Variants in EXT2 observed in about 807,000 individuals in gnomAD.
EXT2 encodes exostosin glycosyltransferase 2.
A neutral mutation model predicts 81.6 loss-of-function variants in EXT2; 53 were observed. That is an observed-to-expected ratio of 0.65 (90% CI 0.52 to 0.82). EXT2 has a LOEUF of 0.82. Among genes scored for constraint, EXT2 ranks in the 40% least tolerant of loss-of-function variants. The probability of loss-of-function intolerance (pLI) is 0.00; values close to 1 mark genes in which losing one functional copy is unlikely to be tolerated. For synonymous variants in EXT2, 320 were observed against 340.0 expected (o/e 0.94, Z 0.65); for missense variants, 774 against 910.2 (o/e 0.85, Z 1.93).
At chr11:44,132,044 G>A (rs1310080928) in intron 7 of EXT2, among the ~76,000 whole-genome samples, 1 of 152,140 alleles carries the variant, frequency 6.6e-6, no homozygotes, top group East Asian at 1.9e-4. Flanking sequence ...CCCACTTTGT[G>A]TTACTTTTTA....
At position 44,112,291 on chromosome 11, in the gene EXT2, G is replaced by A. The variant is rs180720473; in HGVS notation, c.627-1894G>A. On this transcript the variant is annotated intron_variant, in intron 3 of 13. Transcript: ENST00000533608. Reference sequence around the variant, plus strand: ...AGAGGAGACGTCCCAGAATCAGGCAGCCCTGCAAAGTGCTAAAAATGCTGG... The same window carrying A: ...AGAGGAGACGTCCCAGAATCAGGCAACCCTGCAAAGTGCTAAAAATGCTGG... 1.6e-4 allele frequency among the ~76,000 whole-genome samples: 24 copies of A among 152,334 alleles called. No homozygotes were observed. The East Asian group carries it at 4.6e-3, about 29-fold the overall frequency.
At position 44,246,548 on chromosome 11, in the gene EXT2, G is replaced by A. The variant is rs988664877; in HGVS notation, c.*2261G>A. On this transcript the variant is annotated 3_prime_UTR_variant, in exon 14 of 14. Transcript: ENST00000533608. ...CATTTAAAGTACCTCATTACTCCCA[G>A]GAATATTGGGTGTTAGATCTTGCAA... 6.6e-6 allele frequency among the ~76,000 whole-genome samples: 1 copy of A among 152,104 alleles called. No individual in the cohort carries two copies. Among genetic ancestry groups the A allele is most frequent in the South Asian group, 2.1e-4 (1 of 4,816 alleles).
At chr11:44,198,529 G>A (rs1292033295) in intron 9 of EXT2, among the ~76,000 whole-genome samples, 1 of 152,146 alleles carries the variant, frequency 6.6e-6, no homozygotes, top group Non-Finnish European at 1.5e-5. Flanking sequence ...TCCTTGCCTT[G>A]GCCACCCCTG....
chr11:44,189,301 G>A (rs1033218166), intron 8 of EXT2, among the ~76,000 whole-genome samples: 9 of 152,104 alleles, frequency 5.9e-5, no homozygotes, highest in South Asian at 2.1e-4. Context: ...TTTTTCACAT[G>A]TCTGTTTAAT....
chr11:44,171,072 A>C (rs1038872150), intron 7 of EXT2, among the ~76,000 whole-genome samples: 4 of 152,214 alleles, frequency 2.6e-5, no homozygotes, highest in Non-Finnish European at 1.5e-5. Flanking sequence ...CAGACACAGA[A>C]GAGTAAATAC....
At chr11:44,116,223 A>G (rs760861798) in intron 4 of EXT2, 5 of 152,140 alleles carry the variant, frequency 3.3e-5, no homozygotes, top group African/African-American at 7.2e-5. Flanking sequence ...TTTTCTCTCT[A>G]TGGGTTTGCC....
At position 44,109,215 on chromosome 11, in the gene EXT2, C is replaced by T. The variant is rs748607368; in HGVS notation, c.558C>T (p.His186=). Residue 186 remains histidine (H), a synonymous_variant, in exon 3 of 14, where the codon CAC becomes CAT. Coordinates refer to ENST00000533608, the MANE Select transcript of EXT2 (RefSeq NM_207122.2). ...QLSRWDRGTN[H]LLFNMLPGGP... ...ACAGGTGGGATCGAGGTACGAATCACCTGTTGTTCAACATGTTGCCTGGAG... is the reference window on the plus strand; with the variant it reads ...ACAGGTGGGATCGAGGTACGAATCATCTGTTGTTCAACATGTTGCCTGGAG... The T allele has an allele frequency of 6.2e-6, 10 of 1,614,098 alleles. No homozygotes were observed. The highest frequency in any genetic ancestry group is 6.8e-6 in the Non-Finnish European group (8 of 1,179,986).
rs75017672 is a variant in EXT2 at position 44,097,015 on chromosome 11, C to T, written c.-31+1163C>T. ...GCATGTGAGGGTATGAATGGATAATCAGTTTTGGGGCCAGACTGCCATGCT... is the reference window on the plus strand; with the variant it reads ...GCATGTGAGGGTATGAATGGATAATTAGTTTTGGGGCCAGACTGCCATGCT... On this transcript the variant is annotated intron_variant, in intron 1 of 13. Coordinates refer to ENST00000533608, the MANE Select transcript of EXT2 (RefSeq NM_207122.2). Among the ~76,000 whole-genome samples, 622 of 152,270 alleles carry T rather than the reference C, an allele frequency of 4.1e-3. 6 individuals are homozygous for T. Among genetic ancestry groups the T allele is most frequent in the African/African-American group, 0.014 (597 of 41,550 alleles).
In EXT2 at chr11:44,204,270, C is replaced by T. The variant is rs554884599; in HGVS notation, c.1496-2523C>T. 1.6e-4 allele frequency among the ~76,000 whole-genome samples: 25 copies of T among 152,300 alleles called. 2 individuals carry two copies. Among genetic ancestry groups the T allele is most frequent in the African/African-American group, 5.8e-4 (24 of 41,554 alleles). On this transcript the variant is annotated intron_variant, in intron 9 of 13. Transcript: ENST00000533608. ...GTACAGTAGAGTTCTCCAGAATCTA[C>T]AGGTCATGAGTGACATCATTTCCCA...
chr11:44,159,511 A>T (rs1954901806), intron 7 of EXT2, among the ~76,000 whole-genome samples: 1 of 151,914 alleles, frequency 6.6e-6, no homozygotes, highest in Admixed American at 6.6e-5. Flanking sequence ...TAGAATTTTC[A>T]TCTCTCTGTT....
chr11:44,220,259 A>G lies in EXT2; in HGVS notation c.1663-12094A>G, dbSNP rs112118026. ...GCCAAAGTTGAGCTTTTAGAAAACC[A>G]TAATTTTTTTAGGCCTGTTGTGTAC... On this transcript the variant is annotated intron_variant, in intron 10 of 13. Transcript: ENST00000533608. The surrounding 1 kb of genome is among the most constrained non-coding windows in gnomAD (Gnocchi z 4.4). 1.3e-3 allele frequency among the ~76,000 whole-genome samples: 205 copies of G among 152,320 alleles called. No homozygotes were observed. Among genetic ancestry groups the G allele is most frequent in the Admixed American group, 1.6e-3 (25 of 15,304 alleles).
chr11:44,112,628 C>T (rs1954161644), intron 3 of EXT2, among the ~76,000 whole-genome samples: 1 of 152,200 alleles, frequency 6.6e-6, no homozygotes, highest in African/African-American at 2.4e-5. Flanking sequence ...GCCAGTTTGA[C>T]TAATTGCAGT....
intron 9 of EXT2, among the ~76,000 whole-genome samples, chr11:44,202,988 G>A (rs934137968): frequency 2.0e-5 from 3 of 152,184 alleles, no homozygotes; most frequent in African/African-American, 7.2e-5. Flanking sequence ...CTAAGTTAGT[G>A]CATTTGAAGT....
rs185910327 is a variant in EXT2, at chr11:44,106,559, C to A, written c.-30-1124C>A. Among the ~76,000 whole-genome samples, 947 of 152,190 alleles carry A rather than the reference C, an allele frequency of 6.2e-3. 2 individuals carry two copies. The highest frequency in any genetic ancestry group is 8.7e-3 in the Non-Finnish European group (591 of 68,014). On this transcript the variant is annotated intron_variant, in intron 1 of 13. Transcript: ENST00000533608. ...CTCCCTCATTAGAGTAGGGTCTTTG[C>A]TTTCATCTTTGTTTTCTTCACAGTA...
chr11:44,162,543 TCCAG>T (rs1954940958), intron 7 of EXT2, among the ~76,000 whole-genome samples: 1 of 124,938 alleles, frequency 8.0e-6, no homozygotes, highest in South Asian at 2.6e-4. Context: ...ACCACTGCCC[TCCAG>T]CCTGGGGGAC....
chr11:44,241,652 C>G (rs1395023878), intron 13 of EXT2, among the ~76,000 whole-genome samples: 1 of 152,166 alleles, frequency 6.6e-6, no homozygotes, highest in Non-Finnish European at 1.5e-5. Flanking sequence ...ACCATTAGTT[C>G]TTTCTTCCCC....
intron 7 of EXT2, among the ~76,000 whole-genome samples, chr11:44,149,666 A>G (rs997821212): frequency 1.3e-5 from 2 of 152,226 alleles, no homozygotes; most frequent in Non-Finnish European, 2.9e-5. Context: ...ATTAACGAAT[A>G]TATGCTTTAG....
At chr11:44,172,347 G>A (rs150167487) in intron 8 of EXT2, among the ~76,000 whole-genome samples, 2 of 152,254 alleles carry the variant, frequency 1.3e-5, no homozygotes, top group African/African-American at 2.4e-5. Context: ...AGGCACATGT[G>A]TCCTTGTAGA....
intron 7 of EXT2, among the ~76,000 whole-genome samples, chr11:44,156,963 C>G (rs577150886): frequency 2.0e-4 from 30 of 152,346 alleles, no homozygotes; most frequent in African/African-American, 6.5e-4. Context: ...AAGCCCAGTA[C>G]TGTGAGTCTT....
Sources: gnomAD v4.1 joint callset for allele counts (sites outside exome capture counted in the v4.1 genomes callset) on GRCh38, gnomAD v4.1.1 for gene constraint, Gnocchi (gnomAD v3.1) non-coding constraint, MANE v1.5 for transcripts, NCBI Gene and HGNC (gene_info 2026-07-23, HGNC 2026-07-21) for gene names.